The following VCAN variants were observed in gnomAD, a reference collection of about 807,000 sequenced individuals.
VCAN encodes versican core protein.
Under a neutral mutation model 245.5 loss-of-function variants are expected in VCAN, and 44 were observed. That is an observed-to-expected ratio of 0.18 (90% CI 0.14 to 0.23). The LOEUF (loss-of-function observed/expected upper bound fraction) is 0.23, where lower values mean the gene tolerates loss of function less well. Among genes scored for constraint, VCAN ranks in the 10% least tolerant of loss-of-function variants. The pLI is 1.00. For synonymous variants in VCAN, 1,413 were observed against 1,437.0 expected, an observed-to-expected ratio of 0.98 and a Z score of 0.38; for missense variants, 3,793 against 4,057.9, an observed-to-expected ratio of 0.93 and a Z score of 1.77.
At chr5:83,526,817 T>A (rs58927734) in intron 7 of VCAN, among the ~76,000 whole-genome samples, 25,996 of 152,158 alleles carry the variant, frequency 0.17, 2,699 homozygotes, top group African/African-American at 0.28. Flanking sequence ...GAGTCTCACA[T>A]GTATGTGCAA....
chr5:83,508,452 T>C (rs1745545295), intron 5 of VCAN, among the ~76,000 whole-genome samples: 1 of 152,196 alleles, frequency 6.6e-6, no homozygotes, highest in African/African-American at 2.4e-5. Flanking sequence ...TTATCACGTT[T>C]GGTATAGATT....
chr5:83,550,716 A>G (rs1747427181), intron 10 of VCAN, among the ~76,000 whole-genome samples: 1 of 151,712 alleles, frequency 6.6e-6, no homozygotes, highest in African/African-American at 2.4e-5. Context: ...GCGAAACCCC[A>G]TCTCTACTAA....
chr5:83,536,872 G>A, intron 7 of VCAN, 135 bp from the exon 8 acceptor site: 2 of 675,840 alleles, frequency 3.0e-6, no homozygotes, highest in Non-Finnish European at 4.8e-6. Context: ...CATATAAGAG[G>A]GTGATTGCAC....
At chr5:83,529,245 C>A (rs1245626273) in intron 7 of VCAN, among the ~76,000 whole-genome samples, 1 of 150,356 alleles carries the variant, frequency 6.7e-6, no homozygotes, top group Admixed American at 6.6e-5. Context: ...TGGAAAGAGA[C>A]CTGGGTTCAC....
chr5:83,510,855 T>C (rs1745629428), intron 5 of VCAN, among the ~76,000 whole-genome samples: 1 of 152,102 alleles, frequency 6.6e-6, no homozygotes, highest in African/African-American at 2.4e-5. Flanking sequence ...AAAACCTCTT[T>C]AACCAATCTC....
intron 12 of VCAN, among the ~76,000 whole-genome samples, chr5:83,563,849 C>T (rs758096649): frequency 3.3e-5 from 5 of 152,046 alleles, no homozygotes; most frequent in African/African-American, 4.8e-5. Context: ...ACGCTGCAGA[C>T]ATTGCATTTG....
chr5:83,480,038 T>C (rs1744559498), intron 1 of VCAN, among the ~76,000 whole-genome samples: 1 of 152,216 alleles, frequency 6.6e-6, no homozygotes, highest in African/African-American at 2.4e-5. Context: ...AGCTGAAATA[T>C]AGACTTAGTG....
At position 83,521,920 on chromosome 5, in the gene VCAN, G is replaced by C; in HGVS notation, c.3614G>C (p.Ser1205Thr). ...EFSTIKVTVPSDITTAFSSVD... is the reference protein window; with the variant it reads ...EFSTIKVTVPTDITTAFSSVD... ...TCAACAATCAAAGTCACAGTTCCAA[G>C]TGATATTACCACTGCCTTCAGTTCA... Residue 1205 changes from serine (S) to threonine (T), a missense_variant, in exon 7 of 15, where the codon AGT (serine) becomes ACT (threonine). Ser to Thr is a moderately conservative substitution (Grantham distance 58). Transcript: ENST00000265077. 1 of 1,614,156 alleles carries C rather than the reference G, an allele frequency of 6.2e-7. No homozygotes were observed. Among genetic ancestry groups the C allele is most frequent in the Non-Finnish European group, 8.5e-7 (1 of 1,180,040 alleles).
chr5:83,482,492 G>C (rs1454193578), intron 1 of VCAN, among the ~76,000 whole-genome samples: 1 of 152,196 alleles, frequency 6.6e-6, no homozygotes, highest in African/African-American at 2.4e-5. Context: ...ATGTGACTGA[G>C]GGTAGGCACT....
chr5:83,576,133 G>T (rs953309761), intron 13 of VCAN, among the ~76,000 whole-genome samples: 1 of 151,870 alleles, frequency 6.6e-6, no homozygotes, highest in African/African-American at 2.4e-5. Context: ...AATGCATACT[G>T]CCCATGTATC....
chr5:83,548,548 T>G (rs973252743), intron 10 of VCAN, among the ~76,000 whole-genome samples: 1 of 152,194 alleles, frequency 6.6e-6, no homozygotes, highest in Non-Finnish European at 1.5e-5. Flanking sequence ...ATATTGTGAA[T>G]CTGCTCACCA....
In VCAN at chr5:83,540,090, G is replaced by A. The variant is rs942144734; in HGVS notation, c.7087G>A (p.Val2363Ile). The change falls in exon 8 of 15, where the codon GTC (valine) becomes ATC (isoleucine). Residue 2363 changes from valine (V) to isoleucine (I), a missense_variant. Around this residue, in one of 5 missense-constraint regions of VCAN, gnomAD observed 3,182 missense variants for 3,250.3 expected, o/e 0.98. Coordinates refer to ENST00000265077, the MANE Select transcript of VCAN (RefSeq NM_004385.5). ...TDIGHPQNQTVRWAEEIQTSR... is the reference protein window; with the variant it reads ...TDIGHPQNQTIRWAEEIQTSR... ...CATCGGACATCCTCAAAATCAGACT[G>A]TCAGGTGGGCAGAAGAAATCCAGAC... 6.2e-7 allele frequency: 1 copy of A among 1,613,896 alleles called. No homozygotes were observed. Among genetic ancestry groups the A allele is most frequent in the African/African-American group, 1.3e-5 (1 of 74,896 alleles).
At chr5:83,532,730 A>G (rs1322948710) in intron 7 of VCAN, among the ~76,000 whole-genome samples, 1 of 151,980 alleles carries the variant, frequency 6.6e-6, no homozygotes, top group Non-Finnish European at 1.5e-5. Context: ...AATTCAATAA[A>G]ACCATTTGCA....
In VCAN at chr5:83,494,023, G is replaced by C. The variant is rs191411689; in HGVS notation, c.748+92G>C. ...TGGAATAGAGCAAGTCTTCGTGCTT[G>C]TTTGGATTCCAAACGGTGGCATTTT... On this transcript the variant is annotated intron_variant, in intron 5 of 14. Coordinates refer to ENST00000265077, the MANE Select transcript of VCAN (RefSeq NM_004385.5). 2.3e-4 allele frequency: 370 copies of C among 1,597,572 alleles called. 1 individual carries two copies. In the East Asian group the frequency reaches 4.3e-3, roughly 19 times the overall value.
intron 7 of VCAN, among the ~76,000 whole-genome samples, chr5:83,525,487 C>A (rs925291280): frequency 6.6e-5 from 10 of 152,062 alleles, no homozygotes; most frequent in African/African-American, 2.4e-4. Flanking sequence ...AACTGACAAA[C>A]AGGTATTTTT....
At chr5:83,517,719 T>C (rs1177090660) in intron 6 of VCAN, among the ~76,000 whole-genome samples, 3 of 152,216 alleles carry the variant, frequency 2.0e-5, no homozygotes, top group African/African-American at 7.2e-5. Context: ...GGTTATTTAA[T>C]GTTTTTAAAC....
chr5:83,547,768 C>A (rs1747290294), intron 9 of VCAN, among the ~76,000 whole-genome samples: 1 of 152,134 alleles, frequency 6.6e-6, no homozygotes, highest in African/African-American at 2.4e-5. Context: ...ATTTGAGTTT[C>A]AAGTAAAAAC....
intron 13 of VCAN, among the ~76,000 whole-genome samples, chr5:83,578,184 A>G (rs1464821630): frequency 6.6e-6 from 1 of 152,138 alleles, no homozygotes; most frequent in African/African-American, 2.4e-5. Context: ...CCTTGCAGGA[A>G]CATGGATGGA....
At chr5:83,525,627 T>A (rs549956121) in intron 7 of VCAN, among the ~76,000 whole-genome samples, 26 of 152,312 alleles carry the variant, frequency 1.7e-4, no homozygotes, top group African/African-American at 6.0e-4. Flanking sequence ...ATACTACTTA[T>A]TATGTGTCAG....
Sources: gnomAD v4.1 joint callset for allele counts (sites outside exome capture counted in the v4.1 genomes callset) on GRCh38, gnomAD v4.1.1 for gene constraint, gnomAD v4.1.1 regional missense constraint, MANE v1.5 for transcripts, NCBI Gene and HGNC (gene_info 2026-07-23, HGNC 2026-07-21) for gene names.